The following MAG variants were observed in gnomAD, a reference collection of about 807,000 sequenced individuals.
The protein encoded by MAG is myelin-associated glycoprotein.
Under a neutral mutation model 60.7 loss-of-function variants are expected in MAG, and 30 were observed. The ratio of observed to expected loss-of-function variants is 0.49; its 90% CI spans 0.37 to 0.67. MAG has a LOEUF of 0.67. MAG is among the 30% of genes least tolerant of loss of function. The pLI, the probability that MAG is intolerant of heterozygous loss-of-function variation, is 0.00. For synonymous variants in MAG, 384 were observed against 376.8 expected (o/e 1.02, Z -0.22); for missense variants, 795 against 851.7 (o/e 0.93, Z 0.83).
intron 4 of MAG, among the ~76,000 whole-genome samples, chr19:35,296,953 C>T (rs887169675): frequency 2.7e-5 from 4 of 148,916 alleles, no homozygotes; most frequent in African/African-American, 9.9e-5. Context: ...AACCACACAC[C>T]ACACACTGCA....
At chr19:35,311,874 A>G (rs1231358942) in intron 9 of MAG, 44 bp from the exon 10 acceptor site, 4 of 1,404,828 alleles carry the variant, frequency 2.8e-6, no homozygotes, top group Non-Finnish European at 4.0e-6. Context: ...GTGGGGGTGC[A>G]GAAAGGGAGG....
intron 8 of MAG, 83 bp from the exon 9 acceptor site, chr19:35,310,464 C>G: frequency 8.3e-7 from 1 of 1,203,702 alleles, no homozygotes; most frequent in Non-Finnish European, 1.2e-6. Flanking sequence ...CATTGACTGT[C>G]ATCCCAGCAT....
At chr19:35,299,111 C>A (rs2066426567) in intron 4 of MAG, among the ~76,000 whole-genome samples, 1 of 152,122 alleles carries the variant, frequency 6.6e-6, no homozygotes, top group Non-Finnish European at 1.5e-5. Flanking sequence ...GTAAACCAAG[C>A]AGGCATGGGA....
rs1291080291 is a variant in MAG, at chr19:35,299,578, C to G, written c.440C>G (p.Pro147Arg). The change falls in exon 5 of 11, where the codon CCA (proline) becomes CGA (arginine). Residue 147 changes from proline to arginine, a missense_variant. Pro to Arg is a moderately radical substitution (Grantham distance 103). Coordinates refer to ENST00000392213, the MANE Select transcript of MAG (RefSeq NM_002361.4). ...IVNTPNIVVPPEVVAGTEVEV... is the reference protein window; with the variant it reads ...IVNTPNIVVPREVVAGTEVEV... ...GACACCCCCAACATCGTGGTGCCCC[C>G]AGAGGTGGTGGCAGGCACGGAGGTG... The G allele has an allele frequency of 6.2e-7, 1 of 1,601,426 alleles. No homozygotes were observed. Among genetic ancestry groups the G allele is most frequent in the Admixed American group, 1.7e-5 (1 of 59,428 alleles).
chr19:35,306,389 T>C (rs1437959427), intron 7 of MAG, among the ~76,000 whole-genome samples: 1 of 152,186 alleles, frequency 6.6e-6, no homozygotes, highest in Non-Finnish European at 1.5e-5. Flanking sequence ...GGAATGGTTC[T>C]GTCTATCCAC....
intron 6 of MAG, among the ~76,000 whole-genome samples, chr19:35,301,013 C>G (rs1459589180): frequency 6.6e-6 from 1 of 152,232 alleles, no homozygotes; most frequent in Non-Finnish European, 1.5e-5. Flanking sequence ...GGCCCACAGG[C>G]AGGTGCCACC....
In MAG at chr19:35,295,389, T is replaced by C. The variant is rs1378248238; in HGVS notation, c.-20T>C. 5 of 1,612,948 alleles carry C rather than the reference T, an allele frequency of 3.1e-6. No individual in the cohort carries two copies. The highest frequency in any genetic ancestry group is 4.2e-6 in the Non-Finnish European group (5 of 1,179,412). On this transcript the variant is annotated 5_prime_UTR_variant, in exon 3 of 11. Coordinates refer to ENST00000392213, the MANE Select transcript of MAG (RefSeq NM_002361.4). This position sits in a 1 kb window ranked among gnomAD's most constrained non-coding sequence, Gnocchi z 5.8. ...ACCCTCTCCTCTCCCTTTCCAGCGA[T>C]CACTCACTCGCTGTACAGAATGATA... is the stretch of plus-strand genomic sequence containing the variant.
intron 7 of MAG, among the ~76,000 whole-genome samples, chr19:35,302,912 C>CTT (rs869126086): frequency 0.013 from 1,258 of 99,754 alleles, 20 homozygotes; most frequent in East Asian, 0.096. Context: ...CGGGAGTGGG[C>CTT]TTTTTTTTTT....
rs140985983 is a variant in MAG, at chr19:35,303,231, G to A, written c.1231+523G>A. Among the ~76,000 whole-genome samples the A allele has an allele frequency of 7.0e-3, 1,058 of 152,224 alleles. 5 individuals carry two copies. The highest frequency in any genetic ancestry group is 0.011 in the Non-Finnish European group (717 of 68,026). ...GAGCCACCACGCGCAGCCTGGGGTGGGCTTTTGACCAGTGAAATTTCTGGA... is the reference window on the plus strand; with the variant it reads ...GAGCCACCACGCGCAGCCTGGGGTGAGCTTTTGACCAGTGAAATTTCTGGA... On this transcript the variant is annotated intron_variant, in intron 7 of 10. Transcript: ENST00000392213.
At position 35,295,462 on chromosome 19, in the gene MAG, C is replaced by A. The variant is rs1354593784; in HGVS notation, c.46+8C>A. 2.5e-6 allele frequency: 4 copies of A among 1,613,946 alleles called. No individual in the cohort carries two copies. Among genetic ancestry groups the A allele is most frequent in the South Asian group, 2.2e-5 (2 of 91,076 alleles). The stretch of plus-strand genomic sequence containing the variant: ...TCTGGATTATGATTTCAGGTAACGG[C>A]TGACAGGTGCTGGGGACCTAAAGGC... On this transcript the variant is annotated splice_region_variant and intron_variant, in intron 3 of 10. Coordinates refer to ENST00000392213, the MANE Select transcript of MAG (RefSeq NM_002361.4). The surrounding 1 kb of genome is among the most constrained non-coding windows in gnomAD (Gnocchi z 5.8).
intron 2 of MAG, among the ~76,000 whole-genome samples, 156 bp downstream of exon 2, chr19:35,294,446 C>T (rs1033326309): frequency 6.6e-6 from 1 of 152,222 alleles, no homozygotes; most frequent in Non-Finnish European, 1.5e-5. Context: ...ACAGGACATG[C>T]AGCAAAGACT....
chr19:35,309,707 G>T, intron 7 of MAG, 167 bp from the exon 8 acceptor site: 1 of 740,100 alleles, frequency 1.4e-6, no homozygotes, highest in Non-Finnish European at 2.2e-6. Flanking sequence ...TGAGGTCAAG[G>T]CGCTCTCAGT....
At chr19:35,297,277 A>ATG (rs2066405950) in intron 4 of MAG, among the ~76,000 whole-genome samples, 1 of 144,106 alleles carries the variant, frequency 6.9e-6, no homozygotes, top group Non-Finnish European at 1.5e-5. Flanking sequence ...CACTTCATAC[A>ATG]CTACACACAC....
chr19:35,312,171 TG>T, intron 10 of MAG, 154 bp downstream of exon 10: 1 of 1,286,632 alleles, frequency 7.8e-7, no homozygotes, highest in Admixed American at 1.7e-5. Flanking sequence ...ACCTGGAGGC[TG>T]GGGAGGAGGT....
At chr19:35,313,152 C>A in intron 10 of MAG, 138 bp from the exon 11 acceptor site, 2 of 857,102 alleles carry the variant, frequency 2.3e-6, no homozygotes, top group Non-Finnish European at 3.4e-6. Context: ...GCTGGGCCTG[C>A]GGTCCTTGAG....
At chr19:35,299,907 G>T (rs2066434401) in intron 5 of MAG, 57 bp downstream of exon 5, 2 of 1,183,088 alleles carry the variant, frequency 1.7e-6, no homozygotes, top group Non-Finnish European at 2.2e-6. Flanking sequence ...GTCCGGGGAG[G>T]GGGTGGACCT....
intron 7 of MAG, among the ~76,000 whole-genome samples, chr19:35,306,083 T>C (rs12980495): frequency 6.6e-4 from 13 of 19,712 alleles, no homozygotes; most frequent in Admixed American, 7.5e-4. Context: ...CCCACCCCCC[T>C]ACTCCAGCCT....
rs144529954 is a variant in MAG, at chr19:35,296,839, A to G, written c.415+858A>G. ...ACACCACACACTACACATACATCAC[A>G]CACTACACAAACCACACACCACACA... On this transcript the variant is annotated intron_variant, in intron 4 of 10. Transcript: ENST00000392213. Among the ~76,000 whole-genome samples the G allele has an allele frequency of 6.0e-3, 911 of 151,810 alleles. 9 individuals carry two copies. The highest frequency in any genetic ancestry group is 8.3e-3 in the Non-Finnish European group (563 of 67,860).
rs375946312 is a variant in MAG at position 35,299,542 on chromosome 19, C to G, written c.416-12C>G. 1.0e-5 allele frequency: 16 copies of G among 1,560,598 alleles called. No homozygotes were observed. The highest frequency in any genetic ancestry group is 7.0e-5 in the Admixed American group (4 of 56,922). On this transcript the variant is annotated splice_polypyrimidine_tract_variant and intron_variant, in intron 4 of 10. Coordinates refer to ENST00000392213, the MANE Select transcript of MAG (RefSeq NM_002361.4). ...CTGCTTTCTCAGCCCTCCCTTTCCCCGCCTCGTATAGACACCCCCAACATC... is the reference window on the plus strand; with the variant it reads ...CTGCTTTCTCAGCCCTCCCTTTCCCGGCCTCGTATAGACACCCCCAACATC...
Sources: allele counts gnomAD v4.1 joint callset (sites outside exome capture counted in the v4.1 genomes callset), GRCh38; gene constraint gnomAD v4.1.1; non-coding constraint Gnocchi (gnomAD v3.1); transcripts MANE v1.5; gene names NCBI Gene and HGNC (gene_info 2026-07-23, HGNC 2026-07-21).